Variants in TMEM74 observed in about 807,000 individuals in gnomAD.
The protein encoded by TMEM74 is transmembrane protein 74.
Under a neutral mutation model 18.1 loss-of-function variants are expected in TMEM74, and 13 were observed. The ratio of observed to expected loss-of-function variants is 0.72; its 90% confidence interval spans 0.47 to 1.14. The LOEUF (loss-of-function observed/expected upper bound fraction) is 1.14. Among genes scored for constraint, TMEM74 ranks in the 50% most tolerant of loss-of-function variants. The probability of loss-of-function intolerance (pLI) is 0.00; values close to 1 mark genes in which losing one functional copy is unlikely to be tolerated. For missense variants in TMEM74, 372 were observed against 375.9 expected, an observed-to-expected ratio of 0.99 and a Z score of 0.09; for synonymous variants, 159 against 146.6, an observed-to-expected ratio of 1.08 and a Z score of -0.61.
At chr8:108,695,591 A>C (rs933185057) in intron 1 of TMEM74, among the ~76,000 whole-genome samples, 15 of 152,192 alleles carry the variant, frequency 9.9e-5, no homozygotes, top group Admixed American at 5.2e-4. Context: ...CTAGGTAGCA[A>C]GTAGCTGAGC....
At chr8:108,697,088 G>C (rs1301172742) in intron 1 of TMEM74, among the ~76,000 whole-genome samples, 7 of 152,102 alleles carry the variant, frequency 4.6e-5, no homozygotes, top group Non-Finnish European at 8.8e-5. Flanking sequence ...CAGTAGAAAG[G>C]CTGTGGAACT....
chr8:108,651,805 G>A (rs1199097913), intron 2 of TMEM74, among the ~76,000 whole-genome samples: 1 of 151,856 alleles, frequency 6.6e-6, no homozygotes, highest in South Asian at 2.1e-4. Context: ...TTTGATATAT[G>A]TGTATGCATT....
chr8:108,730,421 G>A (rs1236503553), intron 1 of TMEM74, among the ~76,000 whole-genome samples: 1 of 151,980 alleles, frequency 6.6e-6, no homozygotes, highest in Non-Finnish European at 1.5e-5. Flanking sequence ...ACTGCCTCTC[G>A]TCGACACAAT....
intron 1 of TMEM74, among the ~76,000 whole-genome samples, chr8:108,749,214 T>C (rs1813881214): frequency 6.6e-6 from 1 of 152,146 alleles, no homozygotes; most frequent in African/African-American, 2.4e-5. Context: ...TTAACAGGAA[T>C]AGCACTGAAT....
chr8:108,704,363 A>G (rs1332573555), intron 1 of TMEM74, among the ~76,000 whole-genome samples: 1 of 152,200 alleles, frequency 6.6e-6, no homozygotes, highest in Non-Finnish European at 1.5e-5. Flanking sequence ...TTTATAGTGT[A>G]GCGATAGGCA....
intron 1 of TMEM74, among the ~76,000 whole-genome samples, chr8:108,723,217 T>C (rs1813602948): frequency 6.6e-6 from 1 of 152,220 alleles, no homozygotes; most frequent in Admixed American, 6.5e-5. Flanking sequence ...GTGATTTAAA[T>C]TGCACAGATT....
intron 1 of TMEM74, among the ~76,000 whole-genome samples, chr8:108,691,250 A>G (rs902630834): frequency 3.9e-4 from 59 of 152,162 alleles, no homozygotes; most frequent in African/African-American, 1.4e-3. Flanking sequence ...CACAAGGAAA[A>G]GGTAGTTGTT....
chr8:108,661,829 A>G (rs1408278379), intron 1 of TMEM74, among the ~76,000 whole-genome samples: 2 of 152,168 alleles, frequency 1.3e-5, no homozygotes, highest in African/African-American at 2.4e-5. Flanking sequence ...GTCATACGTT[A>G]GACAAGCTGG....
chr8:108,733,674 G>T (rs1813717943), intron 1 of TMEM74, among the ~76,000 whole-genome samples: 1 of 152,102 alleles, frequency 6.6e-6, no homozygotes, highest in Non-Finnish European at 1.5e-5. Flanking sequence ...TTCCAGATTT[G>T]TTTATTATCA....
chr8:108,624,595 C>T (rs1812476634), intron 2 of TMEM74, among the ~76,000 whole-genome samples: 1 of 152,042 alleles, frequency 6.6e-6, no homozygotes, highest in Admixed American at 6.6e-5. Flanking sequence ...TATACATAGT[C>T]TCTTCAGCTA....
chr8:108,648,127 G>A, intron 2 of TMEM74, among the ~76,000 whole-genome samples: 1 of 152,006 alleles, frequency 6.6e-6, no homozygotes, highest in East Asian at 1.9e-4. Flanking sequence ...TTGCATCCAG[G>A]TTCTTACAAT....
intron 1 of TMEM74, among the ~76,000 whole-genome samples, chr8:108,738,835 C>G (rs775157808): frequency 6.6e-6 from 1 of 152,162 alleles, no homozygotes; most frequent in African/African-American, 2.4e-5. Context: ...TGTCATTAGG[C>G]ACTCAGACTC....
At chr8:108,758,447 C>G (rs141101347) in intron 1 of TMEM74, among the ~76,000 whole-genome samples, 1,850 of 152,108 alleles carry the variant, frequency 0.012, 24 homozygotes, top group Non-Finnish European at 0.02. Context: ...ACAGGAAGTA[C>G]AAATGGCCAA....
At chr8:108,617,085 G>A (rs933850929) in intron 2 of TMEM74, among the ~76,000 whole-genome samples, 10 of 151,834 alleles carry the variant, frequency 6.6e-5, no homozygotes, top group Admixed American at 6.6e-5. Context: ...GAACTCTTCC[G>A]TGATGTCACA....
intron 2 of TMEM74, among the ~76,000 whole-genome samples, chr8:108,654,238 C>T (rs1812800548): frequency 6.6e-6 from 1 of 152,096 alleles, no homozygotes; most frequent in South Asian, 2.1e-4. Context: ...GGCCCAGGCA[C>T]CAGACTGCCT....
chr8:108,635,841 A>C (rs1812602223), intron 2 of TMEM74, among the ~76,000 whole-genome samples: 1 of 151,966 alleles, frequency 6.6e-6, no homozygotes, highest in Non-Finnish European at 1.5e-5. Context: ...AATGACACTT[A>C]ATCTCATCTT....
chr8:108,700,609 A>C (rs917896943), intron 1 of TMEM74, among the ~76,000 whole-genome samples: 2 of 152,164 alleles, frequency 1.3e-5, no homozygotes, highest in Admixed American at 6.5e-5. Flanking sequence ...TGAGAAGTGC[A>C]ATCAGATAGC....
intron 1 of TMEM74, among the ~76,000 whole-genome samples, chr8:108,727,785 G>C (rs761287482): frequency 1.3e-5 from 2 of 152,188 alleles, no homozygotes; most frequent in Non-Finnish European, 2.9e-5. Context: ...GGACCAAAGA[G>C]TAAGCCTTGG....
chr8:108,684,591 T>A (rs1813149089), intron 1 of TMEM74, among the ~76,000 whole-genome samples: 1 of 152,100 alleles, frequency 6.6e-6, no homozygotes, highest in Non-Finnish European at 1.5e-5. Flanking sequence ...TATAATCCCA[T>A]TTGTTTATTT....
Sources: allele counts gnomAD v4.1 joint callset (sites outside exome capture counted in the v4.1 genomes callset), GRCh38; gene constraint gnomAD v4.1.1; transcripts MANE v1.5; gene names NCBI Gene and HGNC (gene_info 2026-07-23, HGNC 2026-07-21).